CTNNA1: variants seen among roughly 807,000 people sequenced by gnomAD.
CTNNA1 encodes the protein catenin alpha 1.
In CTNNA1, 37 loss-of-function variants were observed where a neutral mutation model predicts 98.4. The observed-to-expected ratio is 0.38, with a 90% CI of 0.29 to 0.49. The LOEUF (loss-of-function observed/expected upper bound fraction) is 0.49, where lower values mean the gene tolerates loss of function less well. Ranked by LOEUF, CTNNA1 falls within the 20% of genes least tolerant of loss-of-function variation. The probability of loss-of-function intolerance (pLI) is 0.95; values close to 1 mark genes in which losing one functional copy is unlikely to be tolerated. For synonymous variants in CTNNA1, 404 were observed against 413.2 expected, an observed-to-expected ratio of 0.98 and a Z score of 0.27; for missense variants, 761 against 1,147.2, an observed-to-expected ratio of 0.66 and a Z score of 4.86.
At chr5:138,846,510 C>T (rs888980817) in intron 7 of CTNNA1, among the ~76,000 whole-genome samples, 3 of 152,040 alleles carry the variant, frequency 2.0e-5, no homozygotes, top group African/African-American at 7.3e-5. Flanking sequence ...ATTATATTTC[C>T]TGTAGGAGTT....
intron 7 of CTNNA1, among the ~76,000 whole-genome samples, chr5:138,855,418 T>C (rs1242291972): frequency 6.6e-6 from 1 of 152,220 alleles, no homozygotes; most frequent in African/African-American, 2.4e-5. Flanking sequence ...TAATTGTGGA[T>C]GCAGGAAACT....
At chr5:138,841,266 T>C (rs1762241997) in intron 7 of CTNNA1, among the ~76,000 whole-genome samples, 1 of 152,154 alleles carries the variant, frequency 6.6e-6, no homozygotes, top group Non-Finnish European at 1.5e-5. Flanking sequence ...TGTATGTATT[T>C]ATTTATTTTT....
chr5:138,838,005 AAT>A (rs1163926977), intron 7 of CTNNA1, among the ~76,000 whole-genome samples: 1 of 151,948 alleles, frequency 6.6e-6, no homozygotes, highest in Non-Finnish European at 1.5e-5. Context: ...GCCAATTTTT[AAT>A]CTGTTTCAAT....
chr5:138,759,430 T>C (rs1752071558), intron 1 of CTNNA1, among the ~76,000 whole-genome samples: 1 of 152,234 alleles, frequency 6.6e-6, no homozygotes, highest in South Asian at 2.1e-4. Context: ...TCATGATTGC[T>C]TTTGAATATC....
intron 10 of CTNNA1, among the ~76,000 whole-genome samples, chr5:138,908,579 C>T (rs62381203): frequency 0.64 from 97,373 of 151,956 alleles, 32,430 homozygotes; most frequent in East Asian, 0.89. Flanking sequence ...GCAGGAGGAT[C>T]GCTTGAGCGC....
chr5:138,809,179 A>G (rs1435947733), intron 3 of CTNNA1, among the ~76,000 whole-genome samples: 3 of 152,160 alleles, frequency 2.0e-5, no homozygotes, highest in African/African-American at 7.2e-5. Context: ...TCAGGATTGT[A>G]TAAGTTGGAT....
At chr5:138,881,104 A>G in intron 7 of CTNNA1, 1 of 456,270 alleles carries the variant, frequency 2.2e-6, no homozygotes, top group Non-Finnish European at 4.4e-6. Flanking sequence ...CACATTGCTG[A>G]AAGGGGCTTC....
Position 138,827,553 on chromosome 5 carries a change from G to A in CTNNA1, c.897G>A (p.Glu299=), listed in dbSNP as rs141456038. ...TGGACCCCTTGAGCTTCAGCGAGGA[G>A]CGCTTTAGGCCTTCCCTGGAGGAGC... ...IIVDPLSFSE[E]RFRPSLEERL... Residue 299 remains glutamate, a synonymous_variant, in exon 7 of 18, where the codon GAG becomes GAA. Coordinates refer to ENST00000302763, the MANE Select transcript of CTNNA1 (RefSeq NM_001903.5). The A allele has an allele frequency of 1.3e-5, 21 of 1,614,122 alleles. No individual in the cohort carries two copies. The highest frequency in any genetic ancestry group is 1.5e-5 in the Non-Finnish European group (18 of 1,180,054).
chr5:138,816,420 G>A (rs1398521925), intron 5 of CTNNA1, among the ~76,000 whole-genome samples: 1 of 152,082 alleles, frequency 6.6e-6, no homozygotes, highest in Non-Finnish European at 1.5e-5. Flanking sequence ...CATATGATTG[G>A]TCTATTTTTA....
At chr5:138,823,784 C>T (rs905908393) in intron 5 of CTNNA1, among the ~76,000 whole-genome samples, 1 of 150,920 alleles carries the variant, frequency 6.6e-6, no homozygotes, top group African/African-American at 2.4e-5. Flanking sequence ...GGTGAAACCC[C>T]GTCTCTACTA....
intron 3 of CTNNA1, among the ~76,000 whole-genome samples, chr5:138,791,698 G>A (rs1413534666): frequency 7.4e-6 from 1 of 134,428 alleles, no homozygotes; most frequent in African/African-American, 2.7e-5. Flanking sequence ...TAACACAATA[G>A]TTAACATCTG....
chr5:138,774,757 G>C (rs995901440), intron 1 of CTNNA1, among the ~76,000 whole-genome samples: 6 of 151,928 alleles, frequency 3.9e-5, no homozygotes, highest in Non-Finnish European at 8.8e-5. Context: ...GAGTAGCTGG[G>C]ACTACAGGCG....
chr5:138,899,869 T>C (rs1437431844), intron 9 of CTNNA1, among the ~76,000 whole-genome samples: 1 of 152,252 alleles, frequency 6.6e-6, no homozygotes, highest in East Asian at 1.9e-4. Flanking sequence ...CCATTTTAAG[T>C]GTACAATTCA....
intron 3 of CTNNA1, among the ~76,000 whole-genome samples, chr5:138,797,753 G>T (rs1253988598): frequency 6.6e-6 from 1 of 151,980 alleles, no homozygotes; most frequent in Non-Finnish European, 1.5e-5. Context: ...GTATACTGTA[G>T]AATTTTGGGA....
chr5:138,878,065 A>G (rs1159472369), intron 7 of CTNNA1, among the ~76,000 whole-genome samples: 2 of 152,204 alleles, frequency 1.3e-5, no homozygotes, highest in African/African-American at 4.8e-5. Flanking sequence ...TCTCAGTACT[A>G]TTATAACAGA....
At chr5:138,812,584 G>T (rs1390020908) in intron 5 of CTNNA1, among the ~76,000 whole-genome samples, 2 of 152,136 alleles carry the variant, frequency 1.3e-5, no homozygotes, top group African/African-American at 4.8e-5. Context: ...AGGTCTTTGT[G>T]TATTTAAGGA....
chr5:138,892,853 C>T (rs1199080231), intron 9 of CTNNA1, among the ~76,000 whole-genome samples: 3 of 151,546 alleles, frequency 2.0e-5, no homozygotes, highest in Non-Finnish European at 4.4e-5. Flanking sequence ...TCTGTCTCTA[C>T]TAAGAATACA....
intron 3 of CTNNA1, among the ~76,000 whole-genome samples, chr5:138,807,698 A>G (rs1435417575): frequency 6.6e-6 from 1 of 152,054 alleles, no homozygotes; most frequent in Non-Finnish European, 1.5e-5. Flanking sequence ...TAGGGTCAAC[A>G]TCTCTTGCTT....
intron 8 of CTNNA1, 106 bp from the exon 9 acceptor site, chr5:138,887,384 T>C: frequency 2.6e-6 from 2 of 774,650 alleles, no homozygotes; most frequent in Non-Finnish European, 4.1e-6. Context: ...GTGCAGCAAG[T>C]CTACCGTAAG....
Sources: gnomAD v4.1 joint callset for allele counts (sites outside exome capture counted in the v4.1 genomes callset) on GRCh38, gnomAD v4.1.1 for gene constraint, MANE v1.5 for transcripts, NCBI Gene and HGNC (gene_info 2026-07-23, HGNC 2026-07-21) for gene names.